Variants in NMD3 observed in about 807,000 individuals in gnomAD.
NMD3 encodes 60S ribosomal export protein NMD3.
In NMD3, 47 loss-of-function variants were observed where a neutral mutation model predicts 73.1. That is an observed-to-expected ratio of 0.64 (90% CI 0.51 to 0.82). NMD3 has a LOEUF of 0.82. Among genes scored for constraint, NMD3 ranks in the 40% least tolerant of loss-of-function variants. NMD3 has a pLI of 0.00. For synonymous variants in NMD3, 210 were observed against 194.5 expected (o/e 1.08, Z -0.66); for missense variants, 554 against 612.5 (o/e 0.90, Z 1.01).
chr3:161,227,333 C>G lies in NMD3; in HGVS notation c.266C>G (p.Pro89Arg). 6.3e-7 allele frequency: 1 copy of G among 1,599,536 alleles called. No individual in the cohort carries two copies. The highest frequency in any genetic ancestry group is 1.3e-5 in the African/African-American group (1 of 74,408). The change falls in exon 4 of 16, where the codon CCT becomes CGT. Residue 89 changes from proline (P) to arginine (R), a missense_variant. Physicochemically the swap from Pro to Arg is moderately radical, Grantham distance 103 (BLOSUM62 -2). Transcript: ENST00000351193. Reference sequence around the variant, plus strand: ...TTGTGCTTGAAAAAAATCAAAGCCCCTCTGAGTAAGGTAAGTTAAACAGCT... The same window carrying G: ...TTGTGCTTGAAAAAAATCAAAGCCCGTCTGAGTAAGGTAAGTTAAACAGCT... Reference protein sequence around the residue: ...LALCLKKIKAPLSKVRLVDAG... With the variant: ...LALCLKKIKARLSKVRLVDAG...
chr3:161,253,016 G>T, downstream of NMD3: 1 of 311,126 alleles, frequency 3.2e-6, no homozygotes, highest in South Asian at 6.5e-5. Context: ...AGAATCACTT[G>T]AACCCAGGAG....
chr3:161,221,956 C>CCAACAT (rs1409641566), intron 1 of NMD3, 38 bp from the exon 2 acceptor site: 5 of 1,029,898 alleles, frequency 4.9e-6, no homozygotes, highest in South Asian at 1.5e-5. Context: ...TCCCAACATT[C>CCAACAT]TCTTTTTTTT....
At position 161,251,628 on chromosome 3, in the gene NMD3, T is replaced by C. The variant is rs1737490148; in HGVS notation, c.*718T>C. 3.3e-5 allele frequency: 5 copies of C among 152,210 alleles called. No individual in the cohort carries two copies. Among genetic ancestry groups the C allele is most frequent in the Admixed American group, 3.3e-4 (5 of 15,274 alleles). The allele number at this position is 152,210 out of a possible 1,614,324, so 9.4% of individuals were successfully genotyped here. A position where few individuals can be genotyped will look rare whatever the true frequency, so the allele number is the denominator to read the frequency against. ...GTTTTTGCCAGTTTAGGGCAGTAGC[T>C]GCTTTTGTCATAAATATCTTCCTAC... On this transcript the variant is annotated 3_prime_UTR_variant, in exon 16 of 16. Coordinates refer to ENST00000351193, the MANE Select transcript of NMD3 (RefSeq NM_015938.5).
intron 4 of NMD3, among the ~76,000 whole-genome samples, chr3:161,231,017 A>G (rs1426186764): frequency 6.6e-6 from 1 of 152,220 alleles, no homozygotes; most frequent in African/African-American, 2.4e-5. Flanking sequence ...TGTGGTGTGC[A>G]TCTATTTCTG....
chr3:161,238,349 A>G (rs1167271470), intron 8 of NMD3, among the ~76,000 whole-genome samples, 158 bp downstream of exon 8: 5 of 152,232 alleles, frequency 3.3e-5, no homozygotes, highest in African/African-American at 1.2e-4. Context: ...ACCCACTCAC[A>G]GAGGTGGTAG....
intron 9 of NMD3, among the ~76,000 whole-genome samples, chr3:161,240,526 A>ATTTTTTTTTTTTTTTTTTTTT (rs539406360): frequency 9.0e-6 from 1 of 111,728 alleles, no homozygotes; most frequent in Non-Finnish European, 1.7e-5. Flanking sequence ...TGGGCCCTGG[A>ATTTTTTTTTTTTTTTTTTTTT]TTTTTTTTTT....
chr3:161,238,779 T>C lies in NMD3; in HGVS notation c.706T>C (p.Tyr236His). The change falls in exon 9 of 16, where the codon TAC becomes CAC. Residue 236 changes from tyrosine to histidine, a missense_variant. Coordinates refer to ENST00000351193, the MANE Select transcript of NMD3 (RefSeq NM_015938.5). ...CTCTCAAGATATCCATAGTAACACA[T>C]ACAATTACAAAAGCACTTTTTCTGT... ...LISQDIHSNT[Y>H]NYKSTFSVEI... 6.3e-7 allele frequency: 1 copy of C among 1,578,922 alleles called. No individual in the cohort carries two copies. Among genetic ancestry groups the C allele is most frequent in the Non-Finnish European group, 8.6e-7 (1 of 1,158,434 alleles).
rs1241343784 is a variant in NMD3, at chr3:161,222,045, G to GC, written c.35dup (p.Gly13TrpfsTer7). 8 of 1,568,504 alleles carry GC rather than the reference G, an allele frequency of 5.1e-6. No individual in the cohort carries two copies. Among genetic ancestry groups the GC allele is most frequent in the Non-Finnish European group, 6.1e-6 (7 of 1,152,624 alleles). On this transcript the variant is annotated frameshift_variant, in exon 2 of 16. Transcript: ENST00000351193. LOFTEE classifies it high-confidence loss of function. ...TATATGGCAGAATCCACCGACCGCA[G>GC]CCCTGGACACATGTGAGTGCGACAC...
chr3:161,230,527 G>A lies in NMD3; in HGVS notation c.277-2872G>A, dbSNP rs564776488. On this transcript the variant is annotated intron_variant, in intron 4 of 15. Coordinates refer to ENST00000351193, the MANE Select transcript of NMD3 (RefSeq NM_015938.5). ...GGAGGGAAATTTTTGTGAAATTGCA[G>A]GGAGAAGAATAATTGGCTGGGGGGT... Among the ~76,000 whole-genome samples, 14 of 152,284 alleles carry A rather than the reference G, an allele frequency of 9.2e-5. No individual in the cohort carries two copies. The South Asian group carries it at 2.5e-3, about 27-fold the overall frequency.
At position 161,241,045 on chromosome 3, in the gene NMD3, G is replaced by A. The variant is rs747822395; in HGVS notation, c.754-1G>A. The A allele has an allele frequency of 6.3e-7, 1 of 1,591,056 alleles. No homozygotes were observed. The highest frequency in any genetic ancestry group is 8.6e-7 in the Non-Finnish European group (1 of 1,160,678). Reference sequence around the variant, plus strand: ...TTCTAAATGTTAGTTCTTATGCCTAGGATAATGTTGTCTGTCTGTCTCCAA... The same window carrying A: ...TTCTAAATGTTAGTTCTTATGCCTAAGATAATGTTGTCTGTCTGTCTCCAA... On this transcript the variant is annotated splice_acceptor_variant, in intron 9 of 15. Transcript: ENST00000351193. LOFTEE classifies it high-confidence loss of function.
intron 13 of NMD3, among the ~76,000 whole-genome samples, chr3:161,248,756 T>C (rs1219900672): frequency 6.6e-6 from 1 of 152,148 alleles, no homozygotes; most frequent in Non-Finnish European, 1.5e-5. Context: ...ATGAAATTAG[T>C]GTGAAAGACC....
chr3:161,233,430 C>T lies in NMD3; in HGVS notation c.308C>T (p.Thr103Ile). The T allele has an allele frequency of 6.2e-7, 1 of 1,609,662 alleles. No individual in the cohort carries two copies. The highest frequency in any genetic ancestry group is 8.5e-7 in the Non-Finnish European group (1 of 1,177,640). The change falls in exon 5 of 16, where the codon ACT becomes ATT. Residue 103 changes from threonine (T) to isoleucine (I), a missense_variant. Coordinates refer to ENST00000351193, the MANE Select transcript of NMD3 (RefSeq NM_015938.5). ...VRLVDAGFVW[T>I]EPHSKRLKVK... ...CTTGTAGATGCAGGCTTTGTTTGGA[C>T]TGAGCCTCATTCTAAGAGACTTAAA... is the stretch of plus-strand genomic sequence containing the variant.
At chr3:161,248,593 A>G (rs1183885028) in intron 13 of NMD3, among the ~76,000 whole-genome samples, 1 of 152,196 alleles carries the variant, frequency 6.6e-6, no homozygotes, top group African/African-American at 2.4e-5. Flanking sequence ...TTGTTCAGTT[A>G]AGAAGGCATT....
chr3:161,249,699 A>G (rs1737403685), intron 14 of NMD3, 139 bp downstream of exon 14: 1 of 694,376 alleles, frequency 1.4e-6, no homozygotes, highest in African/African-American at 1.8e-5. Flanking sequence ...CAAGGTATTA[A>G]TGGAATCAGT....
At chr3:161,249,639 A>G in intron 14 of NMD3, 79 bp downstream of exon 14, 1 of 878,262 alleles carries the variant, frequency 1.1e-6, no homozygotes, top group Non-Finnish European at 1.9e-6. Context: ...GTAAAGAAAT[A>G]GGCATCACAC....
In NMD3 at chr3:161,246,344, C is replaced by T. The variant is rs544568725; in HGVS notation, c.1026C>T (p.Leu342=). 15 of 1,393,898 alleles carry T rather than the reference C, an allele frequency of 1.1e-5. No homozygotes were observed. The Admixed American group carries it at 1.1e-4, about 10-fold the overall frequency. The allele number at this position is 1,393,898 out of a possible 1,614,324, so 86.3% of individuals were successfully genotyped here. ...TTTTCTTTCCTCTTAAGCATACCCT[C>T]GGGGAAGTCTGGGTACAGAAGACAT... ...GAGMISKKHT[L]GEVWVQKTSE... Residue 342 remains leucine, a synonymous_variant, in exon 12 of 16, where the codon CTC becomes CTT. Coordinates refer to ENST00000351193, the MANE Select transcript of NMD3 (RefSeq NM_015938.5).
intron 9 of NMD3, among the ~76,000 whole-genome samples, chr3:161,240,525 G>GTTTTTTTTTTTTTTT (rs1576853312): frequency 1.6e-5 from 1 of 60,672 alleles, no homozygotes; most frequent in African/African-American, 1.2e-4. Flanking sequence ...TTGGGCCCTG[G>GTTTTTTTTTTTTTTT]ATTTTTTTTT....
chr3:161,248,140 C>T (rs777029566), intron 13 of NMD3, among the ~76,000 whole-genome samples: 1 of 151,942 alleles, frequency 6.6e-6, no homozygotes, highest in Non-Finnish European at 1.5e-5. Context: ...TGTGATTGTT[C>T]CTTTTCTAAT....
intron 4 of NMD3, among the ~76,000 whole-genome samples, chr3:161,227,698 C>T (rs372713753): frequency 1.8e-4 from 27 of 152,100 alleles, no homozygotes; most frequent in African/African-American, 5.3e-4. Flanking sequence ...CTGCCTGCCT[C>T]GGCCTCCCAA....
Sources: gnomAD v4.1 joint callset for allele counts (sites outside exome capture counted in the v4.1 genomes callset) on GRCh38, gnomAD v4.1.1 for gene constraint, MANE v1.5 for transcripts, NCBI Gene and HGNC (gene_info 2026-07-23, HGNC 2026-07-21) for gene names.